The following CLIC5 variants were observed in gnomAD, a reference collection of about 807,000 sequenced individuals.
The protein encoded by CLIC5 is CLIC family member 5.
CLIC5 carries 20 observed loss-of-function variants against 24.7 expected under a neutral mutation model. The observed-to-expected ratio is 0.81, with a 90% confidence interval of 0.57 to 1.18. The LOEUF is 1.18. CLIC5 is among the 50% of genes most tolerant of loss of function. CLIC5 has a pLI of 0.00. For synonymous variants in CLIC5, 159 were observed against 135.6 expected (o/e 1.17, Z -1.20); for missense variants, 341 against 326.1 (o/e 1.05, Z -0.35).
chr6:46,045,508 A>C (rs1160670146), intron 1 of CLIC5, among the ~76,000 whole-genome samples: 1 of 152,156 alleles, frequency 6.6e-6, no homozygotes, highest in Non-Finnish European at 1.5e-5. Context: ...ATTCTCCATG[A>C]TGCTGGTTGC....
chr6:46,051,925 T>C (rs1370084636), intron 1 of CLIC5, among the ~76,000 whole-genome samples: 1 of 152,178 alleles, frequency 6.6e-6, no homozygotes, highest in Non-Finnish European at 1.5e-5. Flanking sequence ...AGATAAACCA[T>C]CATCTCCACA....
At chr6:46,104,847 A>G in the CLIC5 span, among the ~76,000 whole-genome samples, 1 of 152,210 alleles carries the variant, frequency 6.6e-6, no homozygotes, top group African/African-American at 2.4e-5. Flanking sequence ...GCCCTTGTAC[A>G]TTAAAACTGC....
At chr6:46,104,388 A>G in the CLIC5 span, among the ~76,000 whole-genome samples, 1 of 152,162 alleles carries the variant, frequency 6.6e-6, no homozygotes, top group Admixed American at 6.5e-5. Context: ...TGAGGCCAGC[A>G]CAGTTTCTGT....
At chr6:45,972,471 T>C (rs1271190289) in intron 1 of CLIC5, among the ~76,000 whole-genome samples, 2 of 152,180 alleles carry the variant, frequency 1.3e-5, no homozygotes, top group East Asian at 3.9e-4. Flanking sequence ...CTCAATCAAG[T>C]CTCATTAAGA....
intron 1 of CLIC5, among the ~76,000 whole-genome samples, chr6:45,987,303 G>A (rs953588447): frequency 1.3e-5 from 2 of 152,132 alleles, no homozygotes; most frequent in Admixed American, 6.6e-5. Context: ...GCCCTTTAAA[G>A]TTAGATTCCA....
At chr6:46,052,256 G>A (rs114314105) in intron 1 of CLIC5, among the ~76,000 whole-genome samples, 4,023 of 152,254 alleles carry the variant, frequency 0.026, 164 homozygotes, top group African/African-American at 0.093. Context: ...GCAGTAAAGG[G>A]TCCTGTTTAC....
chr6:45,980,018 A>T (rs1445893288), intron 1 of CLIC5, among the ~76,000 whole-genome samples: 2 of 123,646 alleles, frequency 1.6e-5, no homozygotes, highest in Admixed American at 9.7e-5. Context: ...TCTTCTAGGA[A>T]TTTTATAGTT....
chr6:46,123,387 T>G, the CLIC5 span, among the ~76,000 whole-genome samples: 1 of 152,204 alleles, frequency 6.6e-6, no homozygotes. Flanking sequence ...CAACAGCTCT[T>G]CATGCTAAAA....
At chr6:45,917,280 G>C (rs1763068622) in intron 4 of CLIC5, among the ~76,000 whole-genome samples, 2 of 152,182 alleles carry the variant, frequency 1.3e-5, no homozygotes, top group Admixed American at 6.5e-5. Flanking sequence ...GGTTAACTCA[G>C]ATAATGCAGG....
At chr6:45,990,457 C>A (rs1370107652) in intron 1 of CLIC5, among the ~76,000 whole-genome samples, 1 of 152,182 alleles carries the variant, frequency 6.6e-6, no homozygotes, top group Non-Finnish European at 1.5e-5. Flanking sequence ...CAACAAGCAC[C>A]CAAGTGTGAT....
chr6:45,939,871 T>A (rs1355120071), intron 4 of CLIC5, among the ~76,000 whole-genome samples: 21 of 151,534 alleles, frequency 1.4e-4, no homozygotes, highest in Admixed American at 1.4e-3. Flanking sequence ...AGGCTAGACA[T>A]GAATTCTGGG....
chr6:45,954,521 G>A (rs1764579285), intron 2 of CLIC5, among the ~76,000 whole-genome samples: 1 of 152,180 alleles, frequency 6.6e-6, no homozygotes. Context: ...AACACTTATG[G>A]GGTGAGCCTC....
chr6:45,970,566 C>G (rs555572265), intron 1 of CLIC5, among the ~76,000 whole-genome samples: 48 of 152,258 alleles, frequency 3.2e-4, no homozygotes, highest in African/African-American at 1.1e-3. Flanking sequence ...AATTATACCA[C>G]ACACACACAA....
intron 5 of CLIC5, chr6:45,911,863 A>G (rs868477645): frequency 1.7e-5 from 17 of 985,410 alleles, no homozygotes; most frequent in Middle Eastern, 5.2e-4. Flanking sequence ...TGAGCTGGTC[A>G]TTTCTTCACA....
intron 4 of CLIC5, among the ~76,000 whole-genome samples, chr6:45,922,697 A>G: frequency 6.6e-6 from 1 of 152,212 alleles, no homozygotes; most frequent in East Asian, 1.9e-4. Flanking sequence ...GCCACAGTAG[A>G]TTTGAAGAGA....
chr6:45,914,140 TG>T, intron 5 of CLIC5, 87 bp downstream of exon 5: 1 of 1,072,458 alleles, frequency 9.3e-7, no homozygotes, highest in Non-Finnish European at 1.2e-6. Flanking sequence ...GACCAACAGG[TG>T]GTACTGTCCT....
intron 1 of CLIC5, among the ~76,000 whole-genome samples, chr6:45,956,763 C>T (rs1360472891): frequency 6.6e-6 from 1 of 152,182 alleles, no homozygotes. Context: ...AAAAGCCCCA[C>T]TCCCTATTCA....
At chr6:46,020,195 A>G (rs550417486), upstream of CLIC5, among the ~76,000 whole-genome samples, 58 of 152,314 alleles carry the variant, frequency 3.8e-4, 1 homozygote, top group South Asian at 9.5e-3. Flanking sequence ...AACAAACTTC[A>G]TTACGTTAAA....
intron 4 of CLIC5, among the ~76,000 whole-genome samples, chr6:45,926,196 C>T (rs1763478440): frequency 6.8e-6 from 1 of 147,910 alleles, no homozygotes; most frequent in African/African-American, 2.5e-5. Flanking sequence ...CACACACATA[C>T]ACACACACAC....
Sources: gnomAD v4.1 joint callset for allele counts (sites outside exome capture counted in the v4.1 genomes callset) on GRCh38, gnomAD v4.1.1 for gene constraint, MANE v1.5 for transcripts, NCBI Gene and HGNC (gene_info 2026-07-23, HGNC 2026-07-21) for gene names.